The following SPNS1 variants were observed in gnomAD, a reference collection of about 807,000 sequenced individuals.
SPNS1 encodes the protein protein spinster homolog 1.
SPNS1 carries 22 observed loss-of-function variants against 50.3 expected under a neutral mutation model. The observed-to-expected ratio is 0.44, with a 90% confidence interval of 0.31 to 0.62. The LOEUF (loss-of-function observed/expected upper bound fraction) is 0.62, where lower values mean the gene tolerates loss of function less well. Ranked by LOEUF, SPNS1 falls within the 20% of genes least tolerant of loss-of-function variation. The probability of loss-of-function intolerance (pLI) is 0.07; values close to 1 mark genes in which losing one functional copy is unlikely to be tolerated. For missense variants in SPNS1, 576 were observed against 728.6 expected (o/e 0.79, Z 2.41); for synonymous variants, 295 against 317.4 (o/e 0.93, Z 0.75).
At chr16:28,982,790 G>A in intron 8 of SPNS1, 67 bp from the exon 9 acceptor site, 1 of 1,552,622 alleles carries the variant, frequency 6.4e-7, no homozygotes, top group Non-Finnish European at 8.9e-7. Flanking sequence ...AGATGAGCTG[G>A]GAACATGGTC....
intron 7 of SPNS1, 47 bp downstream of exon 7, chr16:28,982,103 G>T: frequency 1.3e-6 from 2 of 1,594,354 alleles, no homozygotes; most frequent in East Asian, 2.3e-5. Flanking sequence ...GGCAGGGCTG[G>T]AGTGAAGAGC....
chr16:28,975,506 A>T lies in SPNS1; in HGVS notation c.256A>T (p.Ile86Phe). ...RFTVAGVLPD[I>F]EQFFNIGDSS... ...TTTCTCCTCAGGCGTCCTTCCCGAC[A>T]TCGAGCAGTTCTTCAACATCGGGGA... Residue 86 changes from isoleucine (I) to phenylalanine (F), a missense_variant, in exon 2 of 12, where the codon ATC becomes TTC. By Grantham distance (21) the Ile-to-Phe change is conservative. Coordinates refer to ENST00000311008, the MANE Select transcript of SPNS1 (RefSeq NM_032038.3). 6.2e-7 allele frequency: 1 copy of T among 1,614,264 alleles called. No homozygotes were observed. Among genetic ancestry groups the T allele is most frequent in the Non-Finnish European group, 8.5e-7 (1 of 1,180,040 alleles).
At chr16:28,984,129 C>T (rs566548790) in intron 11 of SPNS1, 76 bp from the exon 12 acceptor site, 59 of 1,480,942 alleles carry the variant, frequency 4.0e-5, no homozygotes, top group African/African-American at 7.0e-5. Context: ...ATCCATTTCC[C>T]GCTGCCTGTT....
In SPNS1 at chr16:28,974,981, C is replaced by G. The variant is rs1965280174; in HGVS notation, c.-171C>G. The G allele has an allele frequency of 6.9e-7, 1 of 1,459,650 alleles. No homozygotes were observed. Among genetic ancestry groups the G allele is most frequent in the Non-Finnish European group, 9.0e-7 (1 of 1,106,002 alleles). 90.4% of individuals were successfully genotyped at this position (1,459,650 alleles called of 1,614,324 possible). A position where few individuals can be genotyped will look rare whatever the true frequency, so the allele number is the denominator to read the frequency against. Reference sequence around the variant, plus strand: ...TGTCTACTGAGACGGGGAGGCGTGACAGGGCCCGGGTCCCTTCTCAGTGGT... The same window carrying G: ...TGTCTACTGAGACGGGGAGGCGTGAGAGGGCCCGGGTCCCTTCTCAGTGGT... On this transcript the variant is annotated 5_prime_UTR_variant, in exon 1 of 12. Coordinates refer to ENST00000311008, the MANE Select transcript of SPNS1 (RefSeq NM_032038.3).
rs976846685 is a variant in SPNS1 at position 28,983,108 on chromosome 16, C to T, written c.1222-84C>T. On this transcript the variant is annotated intron_variant, in intron 9 of 11. Coordinates refer to ENST00000311008, the MANE Select transcript of SPNS1 (RefSeq NM_032038.3). This position sits in a 1 kb window ranked among gnomAD's most constrained non-coding sequence, Gnocchi z 5.4. ...GGCACACCTCTGACCCCGGCCTAGGCGGATCCTTGGTGGTCTCCTGGCCCC... is the reference window on the plus strand; with the variant it reads ...GGCACACCTCTGACCCCGGCCTAGGTGGATCCTTGGTGGTCTCCTGGCCCC... 3.5e-5 allele frequency: 45 copies of T among 1,294,922 alleles called. No individual in the cohort carries two copies. The highest frequency in any genetic ancestry group is 1.1e-4 in the Admixed American group (6 of 56,530). 80.2% of individuals were successfully genotyped at this position (1,294,922 alleles called of 1,614,324 possible).
In SPNS1 at chr16:28,984,458, TG is replaced by T. The variant is rs1467745625; in HGVS notation, c.*164del. 6 of 769,678 alleles carry T rather than the reference TG, an allele frequency of 7.8e-6. No homozygotes were observed. Among genetic ancestry groups the T allele is most frequent in the Non-Finnish European group, 1.3e-5 (6 of 447,674 alleles). 47.7% of individuals were successfully genotyped at this position (769,678 alleles called of 1,614,324 possible). Reference sequence around the variant, plus strand: ...TACCTGGGTAGCTCAGGGGAGGAGGTGGGGGTCCAGGAGGGGGATCCCTCTC... The same window carrying T: ...TACCTGGGTAGCTCAGGGGAGGAGGTGGGGTCCAGGAGGGGGATCCCTCTC... On this transcript the variant is annotated 3_prime_UTR_variant, in exon 12 of 12. Coordinates refer to ENST00000311008, the MANE Select transcript of SPNS1 (RefSeq NM_032038.3).
In SPNS1 at chr16:28,983,774, C is replaced by T; in HGVS notation, c.1321-12C>T. 1.9e-6 allele frequency: 3 copies of T among 1,569,548 alleles called. 1 individual carries two copies. The Middle Eastern group carries it at 5.2e-4, about 270-fold the overall frequency. ...CTGACTCCCCTGGCTTTCCTGTCTC[C>T]TCTCCCTGCAGATCTCTGACCGCCT... On this transcript the variant is annotated splice_polypyrimidine_tract_variant and intron_variant, in intron 10 of 11. Coordinates refer to ENST00000311008, the MANE Select transcript of SPNS1 (RefSeq NM_032038.3). The surrounding 1 kb of genome is among the most constrained non-coding windows in gnomAD (Gnocchi z 5.4).
At chr16:28,980,884 C>A (rs1009940435) in intron 5 of SPNS1, among the ~76,000 whole-genome samples, 6 of 151,234 alleles carry the variant, frequency 4.0e-5, no homozygotes, top group Non-Finnish European at 7.4e-5. Flanking sequence ...ACAAACAAAC[C>A]GTAAGCCCCC....
At position 28,979,183 on chromosome 16, in the gene SPNS1, G is replaced by T; in HGVS notation, c.473G>T (p.Gly158Val). 6.2e-7 allele frequency: 1 copy of T among 1,614,106 alleles called. No homozygotes were observed. The highest frequency in any genetic ancestry group is 8.5e-7 in the Non-Finnish European group (1 of 1,180,040). ...EHFWLLLLTR[G>V]LVGVGEASYS... ...TTCTGGCTGCTCCTCCTGACCCGGG[G>T]CCTGGTGGGGGTCGGGGAGGCCAGT... Residue 158 changes from glycine to valine, a missense_variant, in exon 4 of 12, where the codon GGC (glycine) becomes GTC (valine). Coordinates refer to ENST00000311008, the MANE Select transcript of SPNS1 (RefSeq NM_032038.3).
At position 28,982,905 on chromosome 16, in the gene SPNS1, G is replaced by A. The variant is rs1231479892; in HGVS notation, c.1204G>A (p.Val402Met). Residue 402 changes from valine (V) to methionine (M), a missense_variant, in exon 9 of 12, where the codon GTG becomes ATG. Val to Met is a conservative substitution (Grantham distance 21). Transcript: ENST00000311008. ...ETLLSMNWAI[V>M]ADILLYVVIP... ...CCTCCTGTCCATGAACTGGGCCATC[G>A]TGGCCGACATTCTGCTGGTGAGTTG... 1.9e-6 allele frequency: 3 copies of A among 1,613,792 alleles called. No individual in the cohort carries two copies. Among genetic ancestry groups the A allele is most frequent in the Non-Finnish European group, 2.5e-6 (3 of 1,179,994 alleles).
rs992410890 is a variant in SPNS1, at chr16:28,979,289, T to C, written c.579T>C (p.Phe193=). 1.2e-6 allele frequency: 2 copies of C among 1,614,054 alleles called. No individual in the cohort carries two copies. Among genetic ancestry groups the C allele is most frequent in the African/African-American group, 2.7e-5 (2 of 74,914 alleles). The change falls in exon 4 of 12, where the codon TTT becomes TTC. Residue 193 remains phenylalanine (F), a synonymous_variant. Coordinates refer to ENST00000311008, the MANE Select transcript of SPNS1 (RefSeq NM_032038.3). ...GCCGGATGCTCAGCATCTTCTACTTTGCCATTCCGGTGGGCAGGTGAGTGG... is the reference window on the plus strand; with the variant it reads ...GCCGGATGCTCAGCATCTTCTACTTCGCCATTCCGGTGGGCAGGTGAGTGG... ...QRSRMLSIFY[F]AIPVGSGLGY...
downstream of SPNS1, chr16:28,984,699 C>T (rs776467696): frequency 1.0e-5 from 7 of 690,578 alleles, no homozygotes; most frequent in Non-Finnish European, 1.8e-5. Flanking sequence ...CTGCTCTTCT[C>T]CGAGTGAGCT....
At chr16:28,976,985 A>T (rs1965365937) in intron 2 of SPNS1, among the ~76,000 whole-genome samples, 1 of 152,182 alleles carries the variant, frequency 6.6e-6, no homozygotes, top group South Asian at 2.1e-4. Context: ...TAAAACGCTA[A>T]ACTAAAGTGG....
chr16:28,979,089 C>T, intron 3 of SPNS1, 66 bp from the exon 4 acceptor site: 3 of 1,567,930 alleles, frequency 1.9e-6, no homozygotes, highest in South Asian at 2.4e-5. Context: ...TGGGAGCGGG[C>T]TGGTGAGGTA....
At chr16:28,982,807 C>T (rs781582413) in intron 8 of SPNS1, 50 bp from the exon 9 acceptor site, 15 of 1,595,440 alleles carry the variant, frequency 9.4e-6, no homozygotes, top group Non-Finnish European at 1.3e-5. Context: ...GGTCAACTTT[C>T]CATGTGTTAG....
rs922214034 is a variant in SPNS1 at position 28,981,296 on chromosome 16, T to G, written c.664-174T>G. Among the ~76,000 whole-genome samples, 4 of 152,130 alleles carry G rather than the reference T, an allele frequency of 2.6e-5. No homozygotes were observed. Among genetic ancestry groups the G allele is most frequent in the Non-Finnish European group, 5.9e-5 (4 of 68,012 alleles). ...CAAAGCTAGGCTTGCAAAAATAGGG[T>G]GGCCCCTAGTGGCAGCCCCCTTCCC... On this transcript the variant is annotated intron_variant, in intron 5 of 11. Transcript: ENST00000311008. The surrounding 1 kb of genome is among the most constrained non-coding windows in gnomAD (Gnocchi z 4.2).
chr16:28,979,733 C>T, intron 5 of SPNS1: 2 of 428,224 alleles, frequency 4.7e-6, no homozygotes, highest in South Asian at 4.6e-5. Flanking sequence ...AAAACTTTTT[C>T]TTTTTGTAGG....
Position 28,984,187 on chromosome 16 carries a change from C to G in SPNS1, c.1493-18C>G. The G allele has an allele frequency of 6.5e-7, 1 of 1,548,644 alleles. No individual in the cohort carries two copies. The highest frequency in any genetic ancestry group is 8.7e-7 in the Non-Finnish European group (1 of 1,146,754). ...TCTGTCCATCCAGCTCACCCTGGCT[C>G]TGACCCTCCCCCCTCAGGCCTGCTG... is the stretch of plus-strand genomic sequence containing the variant. On this transcript the variant is annotated intron_variant, in intron 11 of 11. Transcript: ENST00000311008.
chr16:28,982,908 G>T lies in SPNS1; in HGVS notation c.1207G>T (p.Ala403Ser). 6.2e-7 allele frequency: 1 copy of T among 1,613,824 alleles called. No homozygotes were observed. The highest frequency in any genetic ancestry group is 1.1e-5 in the South Asian group (1 of 91,072). Residue 403 changes from alanine to serine, a missense_variant, in exon 9 of 12, where the codon GCC becomes TCC. This residue lies in a region of SPNS1 where 428 missense variants were observed against 520.1 expected (regional missense o/e 0.82). Transcript: ENST00000311008. ...TLLSMNWAIV[A>S]DILLYVVIPT... ...CCTGTCCATGAACTGGGCCATCGTG[G>T]CCGACATTCTGCTGGTGAGTTGCTG...
Sources: allele counts gnomAD v4.1 joint callset (sites outside exome capture counted in the v4.1 genomes callset), GRCh38; gene constraint gnomAD v4.1.1; regional missense constraint gnomAD v4.1.1; non-coding constraint Gnocchi (gnomAD v3.1); transcripts MANE v1.5; gene names NCBI Gene and HGNC (gene_info 2026-07-23, HGNC 2026-07-21).